FAM135B: variants seen among roughly 807,000 people sequenced by gnomAD.
FAM135B encodes the protein family with sequence similarity 135 member B.
FAM135B carries 43 observed loss-of-function variants against 127.7 expected under a neutral mutation model. The ratio of observed to expected loss-of-function variants is 0.34; its 90% CI spans 0.26 to 0.43. The LOEUF (loss-of-function observed/expected upper bound fraction) is 0.43, where lower values mean the gene tolerates loss of function less well. Ranked by LOEUF, FAM135B falls within the 20% of genes least tolerant of loss-of-function variation. The probability of loss-of-function intolerance (pLI) is 1.00; values close to 1 mark genes in which losing one functional copy is unlikely to be tolerated. For missense variants in FAM135B, 1,558 were observed against 1,725.6 expected (o/e 0.90, Z 1.72); for synonymous variants, 670 against 665.1 (o/e 1.01, Z -0.11).
rs144555600 is a variant in FAM135B at position 138,320,132 on chromosome 8, G to T, written c.78-9212C>A. Among the ~76,000 whole-genome samples, 6 of 152,298 alleles carry T rather than the reference G, an allele frequency of 3.9e-5. No homozygotes were observed. In the East Asian group the frequency reaches 9.6e-4, roughly 24 times the overall value. ...AGCCCACATTTCAGAATTCTAACCT[G>T]CAGAATTCTAAGATAATAATGTTAT... On this transcript the variant is annotated intron_variant, in intron 2 of 19. Coordinates refer to ENST00000395297, the MANE Select transcript of FAM135B (RefSeq NM_015912.4).
chr8:138,458,236 G>A (rs1008941698), intron 1 of FAM135B, among the ~76,000 whole-genome samples: 2 of 152,208 alleles, frequency 1.3e-5, no homozygotes, highest in Non-Finnish European at 2.9e-5. Context: ...CAAGCTCTGT[G>A]AAGGTGGGAA....
intron 1 of FAM135B, among the ~76,000 whole-genome samples, chr8:138,442,647 G>T (rs376302722): frequency 6.6e-6 from 1 of 151,892 alleles, no homozygotes; most frequent in South Asian, 2.1e-4. Context: ...AAACATTCTG[G>T]AGAGTAGCCA....
chr8:138,298,919 A>G (rs1587002067), intron 3 of FAM135B, among the ~76,000 whole-genome samples: 1 of 151,882 alleles, frequency 6.6e-6, no homozygotes, highest in East Asian at 1.9e-4. Flanking sequence ...CCTTAGAGCC[A>G]TTTCAAAAAC....
intron 7 of FAM135B, among the ~76,000 whole-genome samples, chr8:138,225,562 G>T (rs1819361287): frequency 6.6e-6 from 1 of 151,772 alleles, no homozygotes; most frequent in Admixed American, 6.6e-5. Context: ...TTGTGCAGGG[G>T]TTGGGCAGAG....
chr8:138,348,332 T>G (rs1477334647), intron 2 of FAM135B, among the ~76,000 whole-genome samples: 1 of 151,802 alleles, frequency 6.6e-6, no homozygotes, highest in African/African-American at 2.4e-5. Context: ...ACAGGGTTTC[T>G]CCATGTTGGG....
At position 138,152,474 on chromosome 8, in the gene FAM135B, C is replaced by T. The variant is rs780190509; in HGVS notation, c.2001G>A (p.Glu667=). Reference sequence around the variant, plus strand: ...TGACCCCGGATAGCACTGAGAGTTCCTCCTGCTCTTCTGTGTGAGAGTCCT... The same window carrying T: ...TGACCCCGGATAGCACTGAGAGTTCTTCCTGCTCTTCTGTGTGAGAGTCCT... ...SLKDSHTEEQ[E]ELSVLSGVIK... Residue 667 remains glutamate (E), a synonymous_variant, in exon 13 of 20, where the codon GAG becomes GAA. Transcript: ENST00000395297. The T allele has an allele frequency of 3.1e-6, 5 of 1,614,052 alleles. No homozygotes were observed. In the South Asian group the frequency reaches 3.3e-5, roughly 11 times the overall value.
chr8:138,289,641 T>C (rs1249821231), intron 3 of FAM135B, among the ~76,000 whole-genome samples: 1 of 152,234 alleles, frequency 6.6e-6, no homozygotes. Flanking sequence ...CCTCTCTTTA[T>C]AGACCTACTT....
At chr8:138,341,590 T>C (rs1829052133) in intron 2 of FAM135B, among the ~76,000 whole-genome samples, 1 of 152,144 alleles carries the variant, frequency 6.6e-6, no homozygotes, top group Non-Finnish European at 1.5e-5. Flanking sequence ...TTTTATATTA[T>C]GCATATTTTA....
intron 1 of FAM135B, among the ~76,000 whole-genome samples, chr8:138,418,590 G>A (rs1834304830): frequency 6.6e-6 from 1 of 151,956 alleles, no homozygotes; most frequent in Admixed American, 6.6e-5. Context: ...CAGACTACCA[G>A]CAGAACTCTC....
intron 1 of FAM135B, among the ~76,000 whole-genome samples, chr8:138,415,664 C>G: frequency 6.6e-6 from 1 of 152,114 alleles, no homozygotes; most frequent in Non-Finnish European, 1.5e-5. Flanking sequence ...TGCAGGAGAT[C>G]ATCAATAATT....
chr8:138,226,475 G>C (rs1342698648), intron 7 of FAM135B, among the ~76,000 whole-genome samples: 3 of 152,180 alleles, frequency 2.0e-5, no homozygotes, highest in Non-Finnish European at 4.4e-5. Context: ...ACGCCAAAGA[G>C]TAGGGGTTGT....
chr8:138,226,501 A>G (rs982723195), intron 7 of FAM135B, among the ~76,000 whole-genome samples: 2 of 152,190 alleles, frequency 1.3e-5, no homozygotes, highest in African/African-American at 2.4e-5. Flanking sequence ...AAGTGTGTGC[A>G]GCATGTGCAA....
At chr8:138,479,189 C>A (rs931585231) in intron 1 of FAM135B, among the ~76,000 whole-genome samples, 5 of 152,240 alleles carry the variant, frequency 3.3e-5, no homozygotes, top group Admixed American at 2.0e-4. Flanking sequence ...CCTCTCAGCA[C>A]TTCCACGTGT....
chr8:138,285,470 C>A (rs1239280269), intron 3 of FAM135B, among the ~76,000 whole-genome samples: 1 of 152,056 alleles, frequency 6.6e-6, no homozygotes, highest in Admixed American at 6.6e-5. Flanking sequence ...TTTTTAAACT[C>A]TCTGAGATCC....
intron 3 of FAM135B, among the ~76,000 whole-genome samples, chr8:138,298,314 A>C (rs1825621205): frequency 6.6e-6 from 1 of 152,222 alleles, no homozygotes; most frequent in Non-Finnish European, 1.5e-5. Context: ...AGAAAAAAAG[A>C]GTAAGGACTT....
At position 138,243,627 on chromosome 8, in the gene FAM135B, G is replaced by C. The variant is rs1027001380; in HGVS notation, c.543-559C>G. On this transcript the variant is annotated intron_variant, in intron 6 of 19. Transcript: ENST00000395297. This position sits in a 1 kb window ranked among gnomAD's most constrained non-coding sequence, Gnocchi z 7.5. Reference sequence around the variant, plus strand: ...ACCATAACCTGCTCAGCTCACAAATGTGCAGTTCCTGCCCAGCTCTGCAAT... The same window carrying C: ...ACCATAACCTGCTCAGCTCACAAATCTGCAGTTCCTGCCCAGCTCTGCAAT... Among the ~76,000 whole-genome samples the C allele has an allele frequency of 2.0e-5, 3 of 152,190 alleles. No homozygotes were observed. The highest frequency in any genetic ancestry group is 2.9e-5 in the Non-Finnish European group (2 of 68,034).
intron 1 of FAM135B, among the ~76,000 whole-genome samples, chr8:138,386,710 C>A (rs1477305715): frequency 2.0e-5 from 3 of 152,230 alleles, no homozygotes; most frequent in African/African-American, 7.2e-5. Flanking sequence ...TTAAAACAAT[C>A]TTCCTTTATC....
At chr8:138,240,328 C>G (rs1820652389) in intron 7 of FAM135B, among the ~76,000 whole-genome samples, 1 of 152,098 alleles carries the variant, frequency 6.6e-6, no homozygotes, top group African/African-American at 2.4e-5. Flanking sequence ...GTCTGGTGGA[C>G]TGAAATGGTC....
chr8:138,222,607 T>G (rs1563788216), intron 7 of FAM135B, among the ~76,000 whole-genome samples: 1 of 151,794 alleles, frequency 6.6e-6, no homozygotes, highest in South Asian at 2.1e-4. Context: ...CAAAAGCTAG[T>G]AAGTAGAATA....
Sources: allele counts gnomAD v4.1 joint callset (sites outside exome capture counted in the v4.1 genomes callset), GRCh38; gene constraint gnomAD v4.1.1; non-coding constraint Gnocchi (gnomAD v3.1); transcripts MANE v1.5; gene names NCBI Gene and HGNC (gene_info 2026-07-23, HGNC 2026-07-21).